Variants in LRRFIP1 observed in about 807,000 individuals in gnomAD.
LRRFIP1 encodes leucine-rich repeat flightless-interacting protein 1.
LRRFIP1 carries 62 observed loss-of-function variants against 104.4 expected under a neutral mutation model. The observed-to-expected ratio is 0.59, with a 90% confidence interval of 0.48 to 0.73. The LOEUF (loss-of-function observed/expected upper bound fraction) is 0.73, where lower values mean the gene tolerates loss of function less well. Among genes scored for constraint, LRRFIP1 ranks in the 30% least tolerant of loss-of-function variants. The pLI, the probability that LRRFIP1 is intolerant of heterozygous loss-of-function variation, is 0.00. For missense variants in LRRFIP1, 796 were observed against 824.5 expected, an observed-to-expected ratio of 0.97 and a Z score of 0.42; for synonymous variants, 300 against 299.0, an observed-to-expected ratio of 1.00 and a Z score of -0.03.
At chr2:237,757,237 T>C (rs1171723353) in intron 16 of LRRFIP1, among the ~76,000 whole-genome samples, 1 of 152,172 alleles carries the variant, frequency 6.6e-6, no homozygotes, top group Non-Finnish European at 1.5e-5. Context: ...TGCCTTGAAG[T>C]GAGAATTTCA....
chr2:237,710,645 G>T (rs2094028120), intron 2 of LRRFIP1, among the ~76,000 whole-genome samples: 1 of 152,136 alleles, frequency 6.6e-6, no homozygotes, highest in Admixed American at 6.6e-5. Context: ...AATTAGAATT[G>T]ATTTAAACAT....
At chr2:237,772,615 T>G in intron 21 of LRRFIP1, 1 of 555,010 alleles carries the variant, frequency 1.8e-6, no homozygotes, top group Non-Finnish European at 3.2e-6. Context: ...TCTCTTTGTC[T>G]TCTTCACTCA....
intron 20 of LRRFIP1, chr2:237,770,284 A>C: frequency 3.1e-6 from 1 of 324,026 alleles, no homozygotes. Flanking sequence ...ATAAATATAA[A>C]TGTTGATTAT....
In LRRFIP1 at chr2:237,703,822, C is replaced by T. The variant is rs2093664461; in HGVS notation, c.97-4722C>T. Reference sequence around the variant, plus strand: ...GTGCTGAGACAGCATGGCACGTTCACAGCACAGTGCATTCCTGTGGCCTCC... The same window carrying T: ...GTGCTGAGACAGCATGGCACGTTCATAGCACAGTGCATTCCTGTGGCCTCC... On this transcript the variant is annotated intron_variant, in intron 1 of 23. Transcript: ENST00000308482. The surrounding 1 kb of genome is among the most constrained non-coding windows in gnomAD (Gnocchi z 4.3). 3.9e-5 allele frequency among the ~76,000 whole-genome samples: 6 copies of T among 152,184 alleles called. No individual in the cohort carries two copies. In the South Asian group the frequency reaches 1.2e-3, roughly 31 times the overall value.
Position 237,717,172 on chromosome 2 carries a change from C to T in LRRFIP1, c.202-590C>T, listed in dbSNP as rs2150128882. Among the ~76,000 whole-genome samples, 1 of 152,304 alleles carries T rather than the reference C, an allele frequency of 6.6e-6. No homozygotes were observed. Among genetic ancestry groups the T allele is most frequent in the East Asian group, 1.9e-4 (1 of 5,190 alleles). On this transcript the variant is annotated intron_variant, in intron 3 of 23. Transcript: ENST00000308482. This position sits in a 1 kb window ranked among gnomAD's most constrained non-coding sequence, Gnocchi z 4.2. ...ATAACTTGTGGGTCTGCATATTTTT[C>T]TTCTGTACAAAGACCTCTTCTGTAG...
At chr2:237,687,733 GAA>G in intron 1 of LRRFIP1, among the ~76,000 whole-genome samples, 1 of 152,106 alleles carries the variant, frequency 6.6e-6, no homozygotes, top group East Asian at 1.9e-4. Flanking sequence ...TCACGTTCAT[GAA>G]AAACAGATGT....
rs1282545019 is a variant in LRRFIP1 at position 237,627,590 on chromosome 2, G to A, written c.-55G>A. The A allele has an allele frequency of 1.9e-6, 2 of 1,065,142 alleles. No homozygotes were observed. Among genetic ancestry groups the A allele is most frequent in the African/African-American group, 3.4e-5 (2 of 58,964 alleles). The allele number at this position is 1,065,142 out of a possible 1,614,324, so 66.0% of individuals were successfully genotyped here. A position where few individuals can be genotyped will look rare whatever the true frequency, so the allele number is the denominator to read the frequency against. On this transcript the variant is annotated 5_prime_UTR_variant, in exon 1 of 24. Transcript: ENST00000308482. Reference sequence around the variant, plus strand: ...GGGCCGGGGCCGGGGCCGGGCCGGGGCGGCGCGAGCGGCTGGAGCAACGGG... The same window carrying A: ...GGGCCGGGGCCGGGGCCGGGCCGGGACGGCGCGAGCGGCTGGAGCAACGGG...
intron 1 of LRRFIP1, among the ~76,000 whole-genome samples, chr2:237,628,253 A>G (rs1007731155): frequency 1.3e-5 from 2 of 152,190 alleles, no homozygotes; most frequent in African/African-American, 4.8e-5. Flanking sequence ...CAGCTCAGAG[A>G]TGAACTTGGG....
At chr2:237,701,256 C>A (rs1359593947) in intron 1 of LRRFIP1, among the ~76,000 whole-genome samples, 1 of 152,200 alleles carries the variant, frequency 6.6e-6, no homozygotes, top group African/African-American at 2.4e-5. Flanking sequence ...ACATGATGAT[C>A]TTCTGGTAGG....
chr2:237,650,278 A>G (rs2149386050), intron 1 of LRRFIP1, among the ~76,000 whole-genome samples: 1 of 152,046 alleles, frequency 6.6e-6, no homozygotes, highest in Non-Finnish European at 1.5e-5. Context: ...GACTCTCAGC[A>G]TGGGGGCTGT....
At chr2:237,641,211 A>AT (rs2083907638) in intron 1 of LRRFIP1, among the ~76,000 whole-genome samples, 1 of 149,142 alleles carries the variant, frequency 6.7e-6, no homozygotes, top group South Asian at 2.1e-4. Context: ...ACCCATCTCT[A>AT]TTAAAAAAAA....
At chr2:237,713,174 C>T (rs1046325287) in intron 2 of LRRFIP1, among the ~76,000 whole-genome samples, 1 of 151,966 alleles carries the variant, frequency 6.6e-6, no homozygotes. Flanking sequence ...GAGGAGACAC[C>T]AGTGTCGGGG....
chr2:237,728,142 A>G (rs941032625), intron 8 of LRRFIP1, among the ~76,000 whole-genome samples: 9 of 152,166 alleles, frequency 5.9e-5, no homozygotes, highest in African/African-American at 2.2e-4. Flanking sequence ...GCCCTCCAAC[A>G]TTCTGATTGT....
chr2:237,694,637 C>A (rs546428064), intron 1 of LRRFIP1, among the ~76,000 whole-genome samples: 39 of 152,242 alleles, frequency 2.6e-4, no homozygotes, highest in Admixed American at 1.4e-3. Flanking sequence ...GACTGGGGGC[C>A]GCACCCATGC....
At chr2:237,628,570 G>A (rs141789170) in intron 1 of LRRFIP1, among the ~76,000 whole-genome samples, 56 of 152,312 alleles carry the variant, frequency 3.7e-4, no homozygotes, top group African/African-American at 1.2e-3. Context: ...GGGGGACAAA[G>A]GAAGCTTAAT....
intron 3 of LRRFIP1, among the ~76,000 whole-genome samples, chr2:237,714,784 T>A (rs1252667529): frequency 6.6e-6 from 1 of 152,176 alleles, no homozygotes; most frequent in East Asian, 1.9e-4. Flanking sequence ...TGCCTCTCTG[T>A]TTCCTAGTAT....
rs903520858 is a variant in LRRFIP1, at chr2:237,706,940, G to A, written c.97-1604G>A. On this transcript the variant is annotated intron_variant, in intron 1 of 23. Coordinates refer to ENST00000308482, the MANE Select transcript of LRRFIP1 (RefSeq NM_001137550.2). ...CACCATGCCTAGCCTGGCCCCAAGAGGCCCTTCACACCATGTAATATGGTC... is the reference window on the plus strand; with the variant it reads ...CACCATGCCTAGCCTGGCCCCAAGAAGCCCTTCACACCATGTAATATGGTC... Among the ~76,000 whole-genome samples the A allele has an allele frequency of 2.0e-5, 3 of 152,244 alleles. No individual in the cohort carries two copies. The South Asian group carries it at 6.2e-4, about 32-fold the overall frequency.
At chr2:237,648,643 A>C (rs1348989110) in intron 1 of LRRFIP1, among the ~76,000 whole-genome samples, 1 of 151,662 alleles carries the variant, frequency 6.6e-6, no homozygotes, top group Non-Finnish European at 1.5e-5. Context: ...ATATAAACTC[A>C]ACTTTTCTTT....
At chr2:237,769,256 G>A (rs1034208297) in intron 19 of LRRFIP1, 10 of 152,318 alleles carry the variant, frequency 6.6e-5, no homozygotes, top group African/African-American at 2.4e-4. Flanking sequence ...CCCTAGCCGT[G>A]GTTTCCCCCG....
Sources: allele counts gnomAD v4.1 joint callset (sites outside exome capture counted in the v4.1 genomes callset), GRCh38; gene constraint gnomAD v4.1.1; non-coding constraint Gnocchi (gnomAD v3.1); transcripts MANE v1.5; gene names NCBI Gene and HGNC (gene_info 2026-07-23, HGNC 2026-07-21).